The following RBM10 variants were observed in gnomAD, a reference collection of about 807,000 sequenced individuals.
RBM10 encodes the protein RNA-binding protein 10.
RBM10 carries 1 observed loss-of-function variant against 84.9 expected under a neutral mutation model. That is an observed-to-expected ratio of 0.01 (90% CI 0.00 to 0.06). RBM10 has a LOEUF of 0.06. Among genes scored for constraint, RBM10 ranks in the 10% least tolerant of loss-of-function variants. The pLI is 1.00. For missense variants in RBM10, 438 were observed against 839.0 expected (o/e 0.52, Z 5.90); for synonymous variants, 326 against 344.5 (o/e 0.95, Z 0.60).
intron 23 of RBM10, 41 bp from the exon 24 acceptor site, chrX:47,186,433 C>T (rs1556782713): frequency 8.3e-7 from 1 of 1,200,657 alleles, no homozygotes; most frequent in Admixed American, 2.2e-5. Flanking sequence ...CCCCTCACAG[C>T]ATCCCCCACC....
At chrX:47,172,424 G>C (rs1254327876) in intron 4 of RBM10, among the ~76,000 whole-genome samples, 2 of 112,383 alleles carry the variant, frequency 1.8e-5, no homozygotes, top group Non-Finnish European at 3.8e-5. Flanking sequence ...TCCTTCCCAA[G>C]AATGGCTGGC....
intron 17 of RBM10, 70 bp downstream of exon 17, chrX:47,182,396 C>T (rs2147201311): frequency 8.6e-7 from 1 of 1,156,095 alleles, no homozygotes; most frequent in Non-Finnish European, 1.2e-6. Context: ...TCTGTCAGCT[C>T]TTGCCCTCTC....
At chrX:47,173,930 T>TCTCTCTCTCTCC (rs1934895183) in intron 5 of RBM10, among the ~76,000 whole-genome samples, 1 of 95,746 alleles carries the variant, frequency 1.0e-5, no homozygotes, top group Non-Finnish European at 2.1e-5. Context: ...TCTCTCTCTC[T>TCTCTCTCTCTCC]CTCTTTCTCC....
chrX:47,174,721 G>A (rs1321446716), intron 5 of RBM10, among the ~76,000 whole-genome samples: 3 of 110,538 alleles, frequency 2.7e-5, no homozygotes, highest in Non-Finnish European at 3.8e-5. Flanking sequence ...GGCTGGCTGG[G>A]CAGGTCTGCC....
chrX:47,164,168 C>T (rs782693441), intron 2 of RBM10, among the ~76,000 whole-genome samples: 1 of 110,643 alleles, frequency 9.0e-6, no homozygotes, highest in Non-Finnish European at 1.9e-5. Context: ...TGTGCCTGGC[C>T]GATTAGAAAC....
At chrX:47,154,529 G>A (rs1226839000) in intron 2 of RBM10, among the ~76,000 whole-genome samples, 19 of 108,873 alleles carry the variant, frequency 1.7e-4, no homozygotes, top group Non-Finnish European at 3.4e-4. Flanking sequence ...TTGGCTCACC[G>A]CAACCTCTGC....
At chrX:47,158,764 A>G (rs1556765996) in intron 2 of RBM10, among the ~76,000 whole-genome samples, 1 of 111,681 alleles carries the variant, frequency 9.0e-6, no homozygotes, top group African/African-American at 3.3e-5. Flanking sequence ...CGTTGATCCC[A>G]TCACCCAAGC....
chrX:47,145,320 T>C lies in RBM10; in HGVS notation c.-291T>C, dbSNP rs1451571314. Reference sequence around the variant, plus strand: ...GGGAGTAGGCGGCAGTGAGTTTCCCTGGGAGGGCAGCGCGCTTGGCGCTTC... The same window carrying C: ...GGGAGTAGGCGGCAGTGAGTTTCCCCGGGAGGGCAGCGCGCTTGGCGCTTC... On this transcript the variant is annotated 5_prime_UTR_variant, in exon 1 of 24. Coordinates refer to ENST00000377604, the MANE Select transcript of RBM10 (RefSeq NM_005676.5). The C allele has an allele frequency of 1.4e-5, 11 of 767,228 alleles. No individual in the cohort carries two copies. The East Asian group carries it at 2.8e-4, about 19-fold the overall frequency. 63.2% of individuals were successfully genotyped at this position (767,228 alleles called of 1,213,427 possible).
Position 47,186,113 on chromosome X carries a change from A to G in RBM10, c.2479A>G (p.Ile827Val). 1 of 1,212,616 alleles carries G rather than the reference A, an allele frequency of 8.2e-7. No individual in the cohort carries two copies. The highest frequency in any genetic ancestry group is 1.1e-6 in the Non-Finnish European group (1 of 895,703). ...AGCTGAACGCAGAGAAAAGTATGGC[A>G]TCCCCGAGCCGCCAGAGCCCAAGAG... ...RAAERREKYG[I>V]PEPPEPKRRK... The change falls in exon 22 of 24, where the codon ATC becomes GTC. Residue 827 changes from isoleucine to valine, a missense_variant. Ile to Val is a conservative substitution (Grantham distance 29, BLOSUM62 3). This residue lies in a region of RBM10 where 92 missense variants were observed against 199.9 expected (regional missense o/e 0.46). Transcript: ENST00000377604.
chrX:47,163,808 T>G (rs1556767608), intron 2 of RBM10, among the ~76,000 whole-genome samples: 1 of 104,225 alleles, frequency 9.6e-6, no homozygotes, highest in East Asian at 3.0e-4. Context: ...TTGTCCTGCC[T>G]CAGCCTCCCA....
At chrX:47,170,051 A>G (rs782068234) in intron 3 of RBM10, among the ~76,000 whole-genome samples, 15 of 112,854 alleles carry the variant, frequency 1.3e-4, no homozygotes, top group African/African-American at 4.8e-4. Context: ...GGGAGCCCCC[A>G]CCCGAGGGGA....
At chrX:47,182,922 T>C (rs1935648578) in intron 17 of RBM10, among the ~76,000 whole-genome samples, 2 of 112,708 alleles carry the variant, frequency 1.8e-5, no homozygotes, top group African/African-American at 3.2e-5. Context: ...TTTTAAATGA[T>C]AAAATGGAAA....
intron 9 of RBM10, 131 bp from the exon 10 acceptor site, chrX:47,179,749 C>A: frequency 1.1e-6 from 1 of 909,122 alleles, no homozygotes; most frequent in Non-Finnish European, 1.5e-6. Context: ...CTGGAGGAAG[C>A]AGTGAGGGAA....
intron 2 of RBM10, among the ~76,000 whole-genome samples, chrX:47,153,298 C>G (rs1389992844): frequency 8.9e-6 from 1 of 112,313 alleles, no homozygotes; most frequent in Admixed American, 9.5e-5. Flanking sequence ...TATCACTCTT[C>G]TCAATAATGT....
intron 2 of RBM10, among the ~76,000 whole-genome samples, chrX:47,165,519 GAAA>G (rs371171199): frequency 2.8e-5 from 1 of 35,559 alleles, no homozygotes; most frequent in Admixed American, 3.4e-4. Flanking sequence ...TGTCTCAAAA[GAAA>G]AAAAAAAAAA....
At chrX:47,166,923 G>A (rs1014001935) in intron 2 of RBM10, among the ~76,000 whole-genome samples, 8 of 109,178 alleles carry the variant, frequency 7.3e-5, no homozygotes, top group African/African-American at 1.7e-4. Flanking sequence ...CTACAGGTGC[G>A]TGTCACCACA....
intron 2 of RBM10, chrX:47,157,968 GTT>G (rs1556765704): frequency 3.0e-5 from 6 of 203,084 alleles, no homozygotes; most frequent in Non-Finnish European, 4.5e-5. Flanking sequence ...TAGAGACAGA[GTT>G]TCACCATGTT....
At position 47,186,149 on chromosome X, in the gene RBM10, G is replaced by A. The variant is rs1556782397; in HGVS notation, c.2515G>A (p.Gly839Ser). The change falls in exon 22 of 24, where the codon GGC (glycine) becomes AGC (serine). Residue 839 changes from glycine (G) to serine (S), a missense_variant. Physicochemically the swap from Gly to Ser is moderately conservative, Grantham distance 56. Around this residue, in one of 8 missense-constraint regions of RBM10, gnomAD observed 92 missense variants for 199.9 expected, o/e 0.46. Transcript: ENST00000377604. Reference protein sequence around the residue: ...EPPEPKRRKYGGISTASVDFE... With the variant: ...EPPEPKRRKYSGISTASVDFE... ...GCCAGAGCCCAAGAGGAGGAAGTAC[G>A]GCGGCATATCCACAGCCTCTGTGTG... The A allele has an allele frequency of 6.6e-6, 8 of 1,211,979 alleles. No individual in the cohort carries two copies. The highest frequency in any genetic ancestry group is 8.9e-6 in the Non-Finnish European group (8 of 895,589).
At chrX:47,181,675 G>T (rs781954835) in intron 14 of RBM10, 29 bp downstream of exon 14, 1 of 1,207,464 alleles carries the variant, frequency 8.3e-7, no homozygotes. Context: ...TATGTATCCC[G>T]GGGAGGCAGG....
Sources: allele counts gnomAD v4.1 joint callset (sites outside exome capture counted in the v4.1 genomes callset), GRCh38; gene constraint gnomAD v4.1.1; regional missense constraint gnomAD v4.1.1; transcripts MANE v1.5; gene names NCBI Gene and HGNC (gene_info 2026-07-23, HGNC 2026-07-21).